Variants in IMMP2L observed in about 807,000 individuals in gnomAD.
The protein encoded by IMMP2L is mitochondrial inner membrane protease subunit 2.
IMMP2L carries 18 observed loss-of-function variants against 19.3 expected under a neutral mutation model. The observed-to-expected ratio is 0.93, with a 90% CI of 0.64 to 1.38. IMMP2L has a LOEUF of 1.38. Ranked by LOEUF, IMMP2L falls within the 40% of genes most tolerant of loss-of-function variation. The probability of loss-of-function intolerance (pLI) is 0.00; values close to 1 mark genes in which losing one functional copy is unlikely to be tolerated. For synonymous variants in IMMP2L, 76 were observed against 73.0 expected (o/e 1.04, Z -0.21); for missense variants, 233 against 218.2 (o/e 1.07, Z -0.43).
chr7:111,301,819 A>G (rs1822267779), intron 3 of IMMP2L, among the ~76,000 whole-genome samples: 1 of 149,376 alleles, frequency 6.7e-6, no homozygotes, highest in Non-Finnish European at 1.5e-5. Context: ...CTATGTGTCT[A>G]TCCCTCCACC....
At chr7:111,016,816 TTATATATAA>T (rs1825685843) in intron 3 of IMMP2L, among the ~76,000 whole-genome samples, 1 of 49,820 alleles carries the variant, frequency 2.0e-5, no homozygotes, top group African/African-American at 5.6e-5. Context: ...ATACTATATA[TTATATATAA>T]TATATAGTAT....
intron 3 of IMMP2L, among the ~76,000 whole-genome samples, chr7:111,090,294 A>G (rs1171507448): frequency 6.6e-6 from 1 of 152,118 alleles, no homozygotes; most frequent in Non-Finnish European, 1.5e-5. Context: ...ATCCTTTCAG[A>G]GTTAATAGGC....
intron 5 of IMMP2L, among the ~76,000 whole-genome samples, chr7:110,706,884 A>G (rs1794725874): frequency 6.6e-6 from 1 of 151,670 alleles, no homozygotes; most frequent in Non-Finnish European, 1.5e-5. Context: ...TTTTTGCTGT[A>G]ATTTTTTTGA....
intron 3 of IMMP2L, among the ~76,000 whole-genome samples, chr7:111,381,541 T>C (rs1319033260): frequency 2.0e-5 from 3 of 151,998 alleles, no homozygotes; most frequent in African/African-American, 7.3e-5. Flanking sequence ...ATAATACATC[T>C]CAATTGGACA....
chr7:111,363,576 T>A (rs1307375259), intron 3 of IMMP2L, among the ~76,000 whole-genome samples: 1 of 152,066 alleles, frequency 6.6e-6, no homozygotes, highest in African/African-American at 2.4e-5. Context: ...TGGAAATGTA[T>A]CTCTTCCTCA....
intron 3 of IMMP2L, among the ~76,000 whole-genome samples, chr7:111,126,790 T>C (rs918060431): frequency 5.9e-5 from 9 of 152,196 alleles, no homozygotes; most frequent in African/African-American, 1.7e-4. Context: ...ACAGTTTTTA[T>C]AGGCAAATTG....
chr7:110,921,890 T>C (rs1814334621), intron 4 of IMMP2L, among the ~76,000 whole-genome samples: 1 of 152,220 alleles, frequency 6.6e-6, no homozygotes, highest in Non-Finnish European at 1.5e-5. Context: ...CACTGCATTT[T>C]AATAATTCTC....
At chr7:111,355,333 T>C (rs1828590851) in intron 3 of IMMP2L, among the ~76,000 whole-genome samples, 2 of 151,822 alleles carry the variant, frequency 1.3e-5, no homozygotes, top group South Asian at 4.1e-4. Flanking sequence ...ATTTTTCTTA[T>C]ATAAATTAAT....
At chr7:111,287,934 T>C (rs1196698292) in intron 3 of IMMP2L, among the ~76,000 whole-genome samples, 1 of 152,172 alleles carries the variant, frequency 6.6e-6, no homozygotes, top group Non-Finnish European at 1.5e-5. Context: ...GAAAATATAA[T>C]CTATCCAAAT....
chr7:111,187,298 A>T (rs1182820914), intron 3 of IMMP2L, among the ~76,000 whole-genome samples: 1 of 152,164 alleles, frequency 6.6e-6, no homozygotes, highest in Non-Finnish European at 1.5e-5. Context: ...TAGACAAGAC[A>T]TAAGTTCTGC....
rs138053175 is a variant in IMMP2L, at chr7:110,870,935, C to T, written c.408+15658G>A. The stretch of plus-strand genomic sequence containing the variant: ...ACTGCAGCTGCCACAGAGACGCTGA[C>T]GTTTAGAAGATGAAGAGGGGAAGCA... On this transcript the variant is annotated intron_variant, in intron 5 of 5. Coordinates refer to ENST00000405709, the MANE Select transcript of IMMP2L (RefSeq NM_032549.4). This position sits in a 1 kb window ranked among gnomAD's most constrained non-coding sequence, Gnocchi z 4.2. Among the ~76,000 whole-genome samples the T allele has an allele frequency of 3.9e-5, 6 of 152,064 alleles. No homozygotes were observed. In the East Asian group the frequency reaches 5.8e-4, roughly 15 times the overall value.
At chr7:110,724,770 T>C (rs752544858) in intron 5 of IMMP2L, among the ~76,000 whole-genome samples, 10 of 152,186 alleles carry the variant, frequency 6.6e-5, no homozygotes, top group Non-Finnish European at 1.2e-4. Flanking sequence ...AAAATGACTA[T>C]TTAAGTTCAC....
At chr7:110,817,543 T>C (rs1802638732) in intron 5 of IMMP2L, among the ~76,000 whole-genome samples, 1 of 152,056 alleles carries the variant, frequency 6.6e-6, no homozygotes, top group Non-Finnish European at 1.5e-5. Context: ...CTGCCCAAGG[T>C]AATTTATAGA....
intron 3 of IMMP2L, among the ~76,000 whole-genome samples, chr7:111,455,577 T>G (rs1839611571): frequency 6.7e-6 from 1 of 149,252 alleles, no homozygotes; most frequent in Admixed American, 6.7e-5. Context: ...ACCATCATTA[T>G]ATGATATAAG....
At chr7:110,839,779 AT>A in intron 5 of IMMP2L, among the ~76,000 whole-genome samples, 1 of 152,250 alleles carries the variant, frequency 6.6e-6, no homozygotes, top group East Asian at 1.9e-4. Flanking sequence ...TAAATAATTA[AT>A]TGATTAATAG....
In IMMP2L at chr7:111,400,917, GA is replaced by G. The variant is rs140562485; in HGVS notation, c.239+86320del. 3.7e-4 allele frequency among the ~76,000 whole-genome samples: 54 copies of G among 144,686 alleles called. 1 individual carries two copies. Among genetic ancestry groups the G allele is most frequent in the Admixed American group, 2.8e-3 (41 of 14,522 alleles). 94.9% of individuals were successfully genotyped at this position (144,686 alleles called of 152,430 possible). A position where few individuals can be genotyped will look rare whatever the true frequency, so the allele number is the denominator to read the frequency against. On this transcript the variant is annotated intron_variant, in intron 3 of 5. Coordinates refer to ENST00000405709, the MANE Select transcript of IMMP2L (RefSeq NM_032549.4). Reference sequence around the variant, plus strand: ...ATGATTTTGCAGTCATGCCAAAAAAGAAAAAAAAAAGGATTATACTGATAAT... The same window carrying G: ...ATGATTTTGCAGTCATGCCAAAAAAGAAAAAAAAAGGATTATACTGATAAT...
chr7:111,266,588 T>G (rs1817864416), intron 3 of IMMP2L, among the ~76,000 whole-genome samples: 1 of 151,442 alleles, frequency 6.6e-6, no homozygotes, highest in African/African-American at 2.4e-5. Flanking sequence ...TCTCCAGCTC[T>G]GGCACTAAGA....
chr7:110,988,672 T>C (rs891057882), intron 3 of IMMP2L, among the ~76,000 whole-genome samples: 1 of 152,092 alleles, frequency 6.6e-6, no homozygotes, highest in Non-Finnish European at 1.5e-5. Context: ...TATTTGCGTG[T>C]GCCATTAAAA....
chr7:111,214,047 T>C (rs1171347897), intron 3 of IMMP2L, among the ~76,000 whole-genome samples: 1 of 152,174 alleles, frequency 6.6e-6, no homozygotes, highest in African/African-American at 2.4e-5. Flanking sequence ...ATATTTTTAA[T>C]ACACAATAAA....
Sources: gnomAD v4.1 joint callset for allele counts (sites outside exome capture counted in the v4.1 genomes callset) on GRCh38, gnomAD v4.1.1 for gene constraint, Gnocchi (gnomAD v3.1) non-coding constraint, MANE v1.5 for transcripts, NCBI Gene and HGNC (gene_info 2026-07-23, HGNC 2026-07-21) for gene names.